TMEM183A: variants seen among roughly 807,000 people sequenced by gnomAD.
The protein encoded by TMEM183A is chromosome 1 open reading frame 37.
TMEM183A carries 21 observed loss-of-function variants against 46.7 expected under a neutral mutation model. The ratio of observed to expected loss-of-function variants is 0.45; its 90% CI spans 0.32 to 0.65. TMEM183A has a LOEUF of 0.65. Ranked by LOEUF, TMEM183A falls within the 30% of genes least tolerant of loss-of-function variation. The pLI is 0.04. For synonymous variants in TMEM183A, 165 were observed against 180.2 expected, an observed-to-expected ratio of 0.92 and a Z score of 0.68; for missense variants, 331 against 481.9, an observed-to-expected ratio of 0.69 and a Z score of 2.93.
At position 203,016,031 on chromosome 1, in the gene TMEM183A, G is replaced by A. The variant is rs893773840; in HGVS notation, c.599G>A (p.Arg200Gln). The A allele has an allele frequency of 2.5e-6, 4 of 1,614,048 alleles. No individual in the cohort carries two copies. Among genetic ancestry groups the A allele is most frequent in the Admixed American group, 1.7e-5 (1 of 60,026 alleles). ...TCAATGGAGAAGCTGCGCTGTCTCC[G>A]GGCTTGTGTGATCCGATCTCTGTAC... Reference protein sequence around the residue: ...PESMEKLRCLRACVIRSLYHM... With the variant: ...PESMEKLRCLQACVIRSLYHM... Residue 200 changes from arginine (R) to glutamine (Q), a missense_variant, in exon 5 of 8, where the codon CGG (arginine) becomes CAG (glutamine). This residue lies in a region of TMEM183A where 233 missense variants were observed against 385.8 expected (regional missense o/e 0.60). Transcript: ENST00000367242.
At chr1:203,018,621 A>G in intron 6 of TMEM183A, 60 bp downstream of exon 6, 1 of 1,555,146 alleles carries the variant, frequency 6.4e-7, no homozygotes, top group Non-Finnish European at 8.8e-7. Context: ...TTCCCTAGAT[A>G]TCTTTCTTAG....
intron 3 of TMEM183A, among the ~76,000 whole-genome samples, chr1:203,014,511 G>A (rs1656976707): frequency 6.6e-6 from 1 of 152,168 alleles, no homozygotes; most frequent in African/African-American, 2.4e-5. Flanking sequence ...GCTGAGGCAT[G>A]AGAATTGCTT....
intron 6 of TMEM183A, among the ~76,000 whole-genome samples, chr1:203,019,813 T>C (rs1657495437): frequency 1.3e-5 from 2 of 152,354 alleles, no homozygotes; most frequent in Admixed American, 6.5e-5. Context: ...ATCTGATTAC[T>C]GTCCAAGCCT....
At position 203,022,955 on chromosome 1, in the gene TMEM183A, G is replaced by A. The variant is rs777879755; in HGVS notation, c.1046G>A (p.Gly349Asp). 6.2e-6 allele frequency: 10 copies of A among 1,611,430 alleles called. No individual in the cohort carries two copies. The highest frequency in any genetic ancestry group is 1.1e-5 in the South Asian group (1 of 90,974). The change falls in exon 8 of 8, where the codon GGT becomes GAT. Residue 349 changes from glycine (G) to aspartate (D), a missense_variant. Physicochemically the swap from Gly to Asp is moderately conservative, Grantham distance 94. This residue lies in a region of TMEM183A where 233 missense variants were observed against 385.8 expected (regional missense o/e 0.60). Coordinates refer to ENST00000367242, the MANE Select transcript of TMEM183A (RefSeq NM_138391.6). The stretch of plus-strand genomic sequence containing the variant: ...GGTCGGAAACTGCGCAGTGAACAGG[G>A]TGTGCAAGTCATCCTGGACCCAGTG... ...HGGRKLRSEQ[G>D]VQVILDPVHS...
intron 3 of TMEM183A, among the ~76,000 whole-genome samples, chr1:203,010,812 A>G (rs1351538181): frequency 6.6e-6 from 1 of 152,096 alleles, no homozygotes; most frequent in Non-Finnish European, 1.5e-5. Flanking sequence ...CATTTCCATT[A>G]CTCTAAAAAG....
chr1:203,010,025 C>T (rs1478976961), intron 3 of TMEM183A, among the ~76,000 whole-genome samples: 4 of 151,440 alleles, frequency 2.6e-5, no homozygotes, highest in African/African-American at 7.3e-5. Flanking sequence ...TCCCAGCTAC[C>T]AGGGAGGCTG....
chr1:203,017,261 C>T (rs1430134395), intron 5 of TMEM183A, among the ~76,000 whole-genome samples: 1 of 151,950 alleles, frequency 6.6e-6, no homozygotes, highest in East Asian at 1.9e-4. Flanking sequence ...TGTCCCTTTC[C>T]CCCAAAACAT....
At chr1:203,020,979 CTCCT>C in intron 7 of TMEM183A, 31 bp downstream of exon 7, 1 of 1,359,842 alleles carries the variant, frequency 7.4e-7, no homozygotes, top group Non-Finnish European at 9.6e-7. Flanking sequence ...TCATTCTCAG[CTCCT>C]TTTTTTTTTT....
rs1462784015 is a variant in TMEM183A at position 203,022,880 on chromosome 1, T to C, written c.971T>C (p.Met324Thr). Residue 324 changes from methionine to threonine, a missense_variant, in exon 8 of 8, where the codon ATG becomes ACG. Coordinates refer to ENST00000367242, the MANE Select transcript of TMEM183A (RefSeq NM_138391.6). Reference sequence around the variant, plus strand: ...TTTACTATCAATGTGAGCACGGACATGCGGCATCATCGAGTGAGACTGGTG... The same window carrying C: ...TTTACTATCAATGTGAGCACGGACACGCGGCATCATCGAGTGAGACTGGTG... ...TLFTINVSTDMRHHRVRLVFQ... is the reference protein window; with the variant it reads ...TLFTINVSTDTRHHRVRLVFQ... 1 of 1,613,736 alleles carries C rather than the reference T, an allele frequency of 6.2e-7. No homozygotes were observed. Among genetic ancestry groups the C allele is most frequent in the East Asian group, 2.2e-5 (1 of 44,882 alleles).
chr1:203,018,818 A>T (rs1489184780), intron 6 of TMEM183A, among the ~76,000 whole-genome samples: 1 of 152,158 alleles, frequency 6.6e-6, no homozygotes, highest in Non-Finnish European at 1.5e-5. Context: ...GGGGAGGAAC[A>T]CTTTGTCCTC....
chr1:203,008,998 T>G (rs1212483224), intron 3 of TMEM183A, among the ~76,000 whole-genome samples, 188 bp downstream of exon 3: 1 of 152,228 alleles, frequency 6.6e-6, no homozygotes, highest in Non-Finnish European at 1.5e-5. Context: ...TTTTTTCTTT[T>G]GTCTGAATTC....
Position 203,008,623 on chromosome 1 carries a change from C to T in TMEM183A, c.200-20C>T, listed in dbSNP as rs143261179. 5.7e-5 allele frequency: 85 copies of T among 1,499,792 alleles called. No individual in the cohort carries two copies. In the African/African-American group the frequency reaches 1.1e-3, roughly 20 times the overall value. The allele number at this position is 1,499,792 out of a possible 1,614,324, so 92.9% of individuals were successfully genotyped here. The stretch of plus-strand genomic sequence containing the variant: ...GGGTGGAGCTGTGTGCCATCTCATT[C>T]TCCTTTTATTTTCTTCTAGTAAAAT... On this transcript the variant is annotated intron_variant, in intron 2 of 7. Transcript: ENST00000367242.
chr1:203,014,348 A>G (rs1224366184), intron 3 of TMEM183A, among the ~76,000 whole-genome samples: 2 of 152,158 alleles, frequency 1.3e-5, no homozygotes, highest in Non-Finnish European at 2.9e-5. Context: ...CACGCCAGTA[A>G]TCCCAGCACT....
At chr1:203,019,653 T>A (rs1168077847) in intron 6 of TMEM183A, among the ~76,000 whole-genome samples, 1 of 152,208 alleles carries the variant, frequency 6.6e-6, no homozygotes, top group Non-Finnish European at 1.5e-5. Context: ...TAAAAAAAGC[T>A]TTCATTGTGG....
Position 203,016,088 on chromosome 1 carries a change from C to T in TMEM183A, c.656C>T (p.Ser219Phe), listed in dbSNP as rs759000597. The change falls in exon 5 of 8, where the codon TCC becomes TTC. Residue 219 changes from serine (S) to phenylalanine (F), a missense_variant. By Grantham distance (155) the Ser-to-Phe change is radical. Coordinates refer to ENST00000367242, the MANE Select transcript of TMEM183A (RefSeq NM_138391.6). ...HMYEPFAARI[S>F]KNPAIPESTP... is the part of the protein sequence containing the mutation. ...TATGAGCCATTTGCTGCTCGAATCT[C>T]CAAGAATCCAGCCATTCCAGAAAGC... 6.2e-7 allele frequency: 1 copy of T among 1,614,192 alleles called. No individual in the cohort carries two copies. The highest frequency in any genetic ancestry group is 8.5e-7 in the Non-Finnish European group (1 of 1,180,042).
Position 203,022,875 on chromosome 1 carries a change from G to A in TMEM183A, c.966G>A (p.Thr322=), listed in dbSNP as rs1657835453. Residue 322 remains threonine (T), a synonymous_variant, in exon 8 of 8, where the codon ACG becomes ACA. Transcript: ENST00000367242. ...IFTLFTINVS[T]DMRHHRVRLV... The stretch of plus-strand genomic sequence containing the variant: ...TTCAGTTTACTATCAATGTGAGCAC[G>A]GACATGCGGCATCATCGAGTGAGAC... 6.2e-7 allele frequency: 1 copy of A among 1,613,746 alleles called. No individual in the cohort carries two copies. The highest frequency in any genetic ancestry group is 1.3e-5 in the African/African-American group (1 of 74,964).
rs576335290 is a variant in TMEM183A, at chr1:203,008,765, C to T, written c.322C>T (p.His108Tyr). The T allele has an allele frequency of 5.0e-6, 8 of 1,608,386 alleles. No homozygotes were observed. The South Asian group carries it at 8.9e-5, about 18-fold the overall frequency. The change falls in exon 3 of 8, where the codon CAT becomes TAT. Residue 108 changes from histidine to tyrosine, a missense_variant. Transcript: ENST00000367242. ...GATGGATGCCCAGGAGGAAAGCATC[C>T]ATGAGAGAACTGTCTCCAGAAAAAA... ...DEMDAQEESI[H>Y]ERTVSRKKKS...
intron 5 of TMEM183A, among the ~76,000 whole-genome samples, chr1:203,016,661 C>T (rs1657196777): frequency 6.6e-6 from 1 of 152,184 alleles, no homozygotes; most frequent in Non-Finnish European, 1.5e-5. Context: ...TATTGCCCGG[C>T]TCTGGTAGGT....
chr1:203,016,301 C>A, intron 5 of TMEM183A, 161 bp downstream of exon 5: 2 of 991,990 alleles, frequency 2.0e-6, no homozygotes, highest in Non-Finnish European at 3.0e-6. Context: ...TTCTCCAAGA[C>A]CTTTCTGCTG....
Sources: gnomAD v4.1 joint callset for allele counts (sites outside exome capture counted in the v4.1 genomes callset) on GRCh38, gnomAD v4.1.1 for gene constraint, gnomAD v4.1.1 regional missense constraint, MANE v1.5 for transcripts, NCBI Gene and HGNC (gene_info 2026-07-23, HGNC 2026-07-21) for gene names.